The following GRID1 variants were observed in gnomAD, a reference collection of about 807,000 sequenced individuals.
The protein encoded by GRID1 is glutamate receptor ionotropic, delta-1.
A neutral mutation model predicts 98.0 loss-of-function variants in GRID1; 28 were observed. The observed-to-expected ratio is 0.29, with a 90% CI of 0.21 to 0.39. The LOEUF is 0.39. GRID1 is among the 10% of genes least tolerant of loss of function. The pLI, the probability that GRID1 is intolerant of heterozygous loss-of-function variation, is 1.00. For missense variants in GRID1, 1,111 were observed against 1,340.5 expected (o/e 0.83, Z 2.67); for synonymous variants, 553 against 538.5 (o/e 1.03, Z -0.37).
At chr10:86,006,232 G>C (rs1842858866) in intron 4 of GRID1, among the ~76,000 whole-genome samples, 1 of 152,194 alleles carries the variant, frequency 6.6e-6, no homozygotes, top group Non-Finnish European at 1.5e-5. Flanking sequence ...TCAATAAATA[G>C]GATAAGAAAA....
intron 8 of GRID1, among the ~76,000 whole-genome samples, chr10:85,764,130 T>C (rs1197259838): frequency 2.0e-5 from 3 of 152,184 alleles, no homozygotes; most frequent in African/African-American, 4.8e-5. Context: ...GGTGAGTCTT[T>C]CCATGAAGAG....
intron 8 of GRID1, among the ~76,000 whole-genome samples, chr10:85,791,030 A>G (rs1400464316): frequency 6.6e-6 from 1 of 152,142 alleles, no homozygotes; most frequent in Non-Finnish European, 1.5e-5. Flanking sequence ...CCCAGAGACA[A>G]CGAGTGACTT....
At chr10:86,109,438 G>A (rs1844443559) in intron 4 of GRID1, among the ~76,000 whole-genome samples, 1 of 152,228 alleles carries the variant, frequency 6.6e-6, no homozygotes, top group Non-Finnish European at 1.5e-5. Context: ...TCATCAGGCT[G>A]AGGAACAATG....
intron 4 of GRID1, among the ~76,000 whole-genome samples, chr10:86,004,588 T>C (rs575463144): frequency 1.3e-5 from 2 of 152,320 alleles, no homozygotes; most frequent in South Asian, 2.1e-4. Context: ...TTGCAGCAGA[T>C]GGCCTTCAAA....
Position 85,724,516 on chromosome 10 carries a change from A to C in GRID1, c.1694T>G (p.Val565Gly), listed in dbSNP as rs989401800. 6.2e-7 allele frequency: 1 copy of C among 1,614,126 alleles called. No homozygotes were observed. Among genetic ancestry groups the C allele is most frequent in the Non-Finnish European group, 8.5e-7 (1 of 1,180,030 alleles). Residue 565 changes from valine (V) to glycine (G), a missense_variant, in exon 11 of 16, where the codon GTG becomes GGG. Physicochemically the swap from Val to Gly is moderately radical, Grantham distance 109. Transcript: ENST00000327946. Reference sequence around the variant, plus strand: ...GATGGCTGCTGCAATGCAGGCCCACACAGCGAAATCAAATGGAGCAAAGAG... The same window carrying C: ...GATGGCTGCTGCAATGCAGGCCCACCCAGCGAAATCAAATGGAGCAAAGAG... ...FSLFAPFDFA[V>G]WACIAAAIPV...
chr10:85,874,707 AC>A (rs1201526572), intron 5 of GRID1, among the ~76,000 whole-genome samples: 1 of 152,212 alleles, frequency 6.6e-6, no homozygotes, highest in African/African-American at 2.4e-5. Flanking sequence ...TTTGTAGCTT[AC>A]CGTGTGGTCA....
chr10:85,619,167 A>G (rs1243166339), intron 14 of GRID1, among the ~76,000 whole-genome samples: 3 of 152,206 alleles, frequency 2.0e-5, no homozygotes, highest in Admixed American at 2.0e-4. Flanking sequence ...CCTTGGCGAC[A>G]GGAGCCCCTG....
intron 5 of GRID1, among the ~76,000 whole-genome samples, chr10:85,903,457 A>G (rs1264742122): frequency 6.6e-6 from 1 of 151,890 alleles, no homozygotes; most frequent in Non-Finnish European, 1.5e-5. Flanking sequence ...AGTCCAAACC[A>G]CCACCCTTCC....
At chr10:85,731,659 C>T (rs1841824003) in intron 8 of GRID1, among the ~76,000 whole-genome samples, 1 of 151,456 alleles carries the variant, frequency 6.6e-6, no homozygotes, top group Non-Finnish European at 1.5e-5. Context: ...ATAAATTAGC[C>T]AGTGTGGTGG....
chr10:85,987,773 G>C (rs1165815694), intron 4 of GRID1, among the ~76,000 whole-genome samples: 2 of 151,738 alleles, frequency 1.3e-5, no homozygotes. Flanking sequence ...AGTTTGAGTA[G>C]TGCTTCCTCA....
At chr10:86,224,431 A>AGGAGTCCCAGGCATGAG (rs1377666665) in intron 2 of GRID1, among the ~76,000 whole-genome samples, 1 of 152,168 alleles carries the variant, frequency 6.6e-6, no homozygotes, top group Non-Finnish European at 1.5e-5. Flanking sequence ...GGAGAACACA[A>AGGAGTCCCAGGCATGAG]GGAGTCCCAG....
intron 4 of GRID1, among the ~76,000 whole-genome samples, chr10:86,015,100 C>G (rs1215864306): frequency 6.6e-6 from 1 of 152,226 alleles, no homozygotes; most frequent in East Asian, 1.9e-4. Context: ...TGGCACTTAT[C>G]ATAACATACC....
At chr10:85,893,224 A>C (rs1564620240) in intron 5 of GRID1, among the ~76,000 whole-genome samples, 1 of 152,164 alleles carries the variant, frequency 6.6e-6, no homozygotes, top group African/African-American at 2.4e-5. Flanking sequence ...GAATAAAAGA[A>C]AACTTCTTCA....
Position 85,826,276 on chromosome 10 carries a change from G to A in GRID1, c.1233+28220C>T, listed in dbSNP as rs573970326. On this transcript the variant is annotated intron_variant, in intron 8 of 15. Coordinates refer to ENST00000327946, the MANE Select transcript of GRID1 (RefSeq NM_017551.3). ...CTTGAACCCTGGAGGCGAAGGTTGC[G>A]GTGAGCCGAGATCGCGCCACTGCAC... Among the ~76,000 whole-genome samples, 21 of 152,272 alleles carry A rather than the reference G, an allele frequency of 1.4e-4. No homozygotes were observed. The South Asian group carries it at 3.5e-3, about 26-fold the overall frequency.
chr10:86,337,698 CTTTTTTTTTTT>C (rs57891044), intron 2 of GRID1, among the ~76,000 whole-genome samples: 47 of 73,338 alleles, frequency 6.4e-4, no homozygotes, highest in Middle Eastern at 0.014. Flanking sequence ...CCTTTGGGAA[CTTTTTTTTTTT>C]TTTTTTTTTT....
intron 4 of GRID1, among the ~76,000 whole-genome samples, chr10:86,099,337 T>C (rs1340660596): frequency 1.3e-5 from 2 of 152,184 alleles, no homozygotes; most frequent in Non-Finnish European, 2.9e-5. Flanking sequence ...ATGCAGATGC[T>C]GTTGGGGCCA....
rs12253662 is a variant in GRID1 at position 86,330,019 on chromosome 10, G to A, written c.235+33922C>T. ...CCCTGCATGCTGAGCTAGCCAGCAGGACTTTCCTCCCCTCATTGCCTCCCC... is the reference window on the plus strand; with the variant it reads ...CCCTGCATGCTGAGCTAGCCAGCAGAACTTTCCTCCCCTCATTGCCTCCCC... On this transcript the variant is annotated intron_variant, in intron 2 of 15. Coordinates refer to ENST00000327946, the MANE Select transcript of GRID1 (RefSeq NM_017551.3). Among the ~76,000 whole-genome samples the A allele has an allele frequency of 6.7e-3, 1,018 of 152,154 alleles. 13 individuals carry two copies. The highest frequency in any genetic ancestry group is 0.023 in the African/African-American group (966 of 41,494).
In GRID1 at chr10:85,727,895, T is replaced by C; in HGVS notation, c.1493A>G (p.Asn498Ser). 1 of 1,613,904 alleles carries C rather than the reference T, an allele frequency of 6.2e-7. No homozygotes were observed. Among genetic ancestry groups the C allele is most frequent in the Non-Finnish European group, 8.5e-7 (1 of 1,179,932 alleles). The change falls in exon 10 of 16, where the codon AAC becomes AGC. Residue 498 changes from asparagine to serine, a missense_variant. Asn to Ser is a conservative substitution (Grantham distance 46). This residue lies in a region of GRID1 where 762 missense variants were observed against 869.1 expected (regional missense o/e 0.88). Coordinates refer to ENST00000327946, the MANE Select transcript of GRID1 (RefSeq NM_017551.3). ...CCCGATCATCCCGTTCCAGGAGGTG[T>C]TATGGAGCTGGTGACCGTACCTGCC... ...PDGRYGHQLH[N>S]TSWNGMIGEL...
chr10:85,750,087 C>A (rs1842032017), intron 8 of GRID1, among the ~76,000 whole-genome samples: 1 of 152,180 alleles, frequency 6.6e-6, no homozygotes, highest in African/African-American at 2.4e-5. Context: ...TGGCACAGAG[C>A]AGGCACTCAA....
Sources: allele counts gnomAD v4.1 joint callset (sites outside exome capture counted in the v4.1 genomes callset), GRCh38; gene constraint gnomAD v4.1.1; regional missense constraint gnomAD v4.1.1; transcripts MANE v1.5; gene names NCBI Gene and HGNC (gene_info 2026-07-23, HGNC 2026-07-21).